RORB: variants seen among roughly 807,000 people sequenced by gnomAD.
RORB encodes RAR related orphan receptor B.
Under a neutral mutation model 59.1 loss-of-function variants are expected in RORB, and 6 were observed. The observed-to-expected ratio is 0.10, with a 90% CI of 0.06 to 0.20. The LOEUF (loss-of-function observed/expected upper bound fraction) is 0.20, where lower values mean the gene tolerates loss of function less well. Among genes scored for constraint, RORB ranks in the 10% least tolerant of loss-of-function variants. The pLI, the probability that RORB is intolerant of heterozygous loss-of-function variation, is 1.00. For missense variants in RORB, 320 were observed against 560.5 expected, an observed-to-expected ratio of 0.57 and a Z score of 4.33; for synonymous variants, 215 against 204.5, an observed-to-expected ratio of 1.05 and a Z score of -0.44.
At chr9:74,598,852 T>C (rs1054199667) in intron 1 of RORB, among the ~76,000 whole-genome samples, 3 of 152,174 alleles carry the variant, frequency 2.0e-5, no homozygotes, top group Non-Finnish European at 2.9e-5. Context: ...TGGCTTCTGA[T>C]GAGAGCTTTA....
chr9:74,521,017 T>C (rs959682998), intron 1 of RORB, among the ~76,000 whole-genome samples: 3 of 151,940 alleles, frequency 2.0e-5, no homozygotes, highest in African/African-American at 7.2e-5. Flanking sequence ...CAGATGCCAA[T>C]TGGCATTCCC....
intron 1 of RORB, among the ~76,000 whole-genome samples, chr9:74,624,151 C>A (rs2118395736): frequency 6.6e-6 from 1 of 152,122 alleles, no homozygotes; most frequent in Middle Eastern, 3.4e-3. Flanking sequence ...TAATTTTTTT[C>A]TTAATCTAAC....
intron 1 of RORB, among the ~76,000 whole-genome samples, chr9:74,608,092 A>C (rs770744442): frequency 2.0e-5 from 3 of 152,180 alleles, no homozygotes; most frequent in Non-Finnish European, 4.4e-5. Context: ...AAGGTTCTTA[A>C]CTCAGGTACT....
At chr9:74,663,678 A>T (rs1440713378) in intron 6 of RORB, among the ~76,000 whole-genome samples, 1 of 152,208 alleles carries the variant, frequency 6.6e-6, no homozygotes. Flanking sequence ...TCACTGAGTC[A>T]GTTCAGCTGA....
At chr9:74,512,127 A>G (rs771466857) in intron 1 of RORB, among the ~76,000 whole-genome samples, 1 of 152,170 alleles carries the variant, frequency 6.6e-6, no homozygotes, top group Non-Finnish European at 1.5e-5. Context: ...GGGGAAATTT[A>G]TTTTAAATGT....
chr9:74,554,101 C>T (rs1044363323), intron 1 of RORB, among the ~76,000 whole-genome samples: 1 of 152,156 alleles, frequency 6.6e-6, no homozygotes, highest in African/African-American at 2.4e-5. Flanking sequence ...CAAGCCCTTT[C>T]GTTGGGAGAT....
intron 1 of RORB, among the ~76,000 whole-genome samples, chr9:74,559,962 C>G (rs1563937573): frequency 6.6e-6 from 1 of 152,220 alleles, no homozygotes; most frequent in East Asian, 1.9e-4. Context: ...ACATTGCAAA[C>G]CATTTGCAAA....
chr9:74,613,130 G>T (rs1015776797), intron 1 of RORB, among the ~76,000 whole-genome samples: 1 of 152,070 alleles, frequency 6.6e-6, no homozygotes, highest in African/African-American at 2.4e-5. Flanking sequence ...ATATCTCCAC[G>T]ATGAACAAAG....
chr9:74,544,658 A>G (rs902644839), intron 1 of RORB, among the ~76,000 whole-genome samples: 3 of 152,170 alleles, frequency 2.0e-5, no homozygotes, highest in Non-Finnish European at 4.4e-5. Context: ...AGGAAACCTC[A>G]TCACGACCAG....
In RORB at chr9:74,630,380, C is replaced by G; in HGVS notation, c.93+13C>G. The G allele has an allele frequency of 1.2e-6, 2 of 1,604,162 alleles. No homozygotes were observed. Among genetic ancestry groups the G allele is most frequent in the Non-Finnish European group, 8.5e-7 (1 of 1,173,074 alleles). On this transcript the variant is annotated intron_variant, in intron 2 of 9. Transcript: ENST00000376896. The stretch of plus-strand genomic sequence containing the variant: ...TGAAGGCTGCAAGGTATGGGACTTT[C>G]ATACAGCACGGTTCTGTATTTGCCT...
intron 1 of RORB, among the ~76,000 whole-genome samples, chr9:74,588,041 A>C (rs1822829518): frequency 6.6e-6 from 1 of 152,182 alleles, no homozygotes; most frequent in South Asian, 2.1e-4. Flanking sequence ...CTTAGGTTAT[A>C]GAATTCTATA....
chr9:74,634,896 T>C lies in RORB; in HGVS notation c.235+124T>C, dbSNP rs553259473. ...GGGGATAAGAAGAAAAGAAAATCACTGTGCTGCTAGTGCATTACAAGGAAA... is the reference window on the plus strand; with the variant it reads ...GGGGATAAGAAGAAAAGAAAATCACCGTGCTGCTAGTGCATTACAAGGAAA... On this transcript the variant is annotated intron_variant, in intron 3 of 9. Transcript: ENST00000376896. The C allele has an allele frequency of 3.4e-6, 3 of 876,074 alleles. No individual in the cohort carries two copies. The South Asian group carries it at 5.7e-5, about 17-fold the overall frequency. 54.3% of individuals were successfully genotyped at this position (876,074 alleles called of 1,614,324 possible).
intron 1 of RORB, among the ~76,000 whole-genome samples, chr9:74,582,002 A>G (rs184668586): frequency 5.3e-5 from 8 of 152,202 alleles, no homozygotes; most frequent in Non-Finnish European, 8.8e-5. Flanking sequence ...TGTATCAATC[A>G]GTTCAAAGAA....
chr9:74,617,642 T>A (rs1453137355), intron 1 of RORB, among the ~76,000 whole-genome samples: 1 of 152,128 alleles, frequency 6.6e-6, no homozygotes, highest in Non-Finnish European at 1.5e-5. Context: ...TAATTCTACA[T>A]TTGTTGGGTG....
intron 1 of RORB, 103 bp downstream of exon 1, chr9:74,498,086 G>A (rs1451423112): frequency 7.3e-7 from 1 of 1,365,030 alleles, no homozygotes; most frequent in African/African-American, 1.4e-5. Flanking sequence ...GAAAGAGGTT[G>A]CCCAGGCGCA....
chr9:74,671,476 A>T (rs1426377773), intron 8 of RORB, among the ~76,000 whole-genome samples: 4 of 152,214 alleles, frequency 2.6e-5, no homozygotes, highest in Non-Finnish European at 5.9e-5. Context: ...ACTTTGAAAG[A>T]AAACCTAAGC....
intron 1 of RORB, among the ~76,000 whole-genome samples, chr9:74,612,009 T>A (rs1220488910): frequency 6.6e-6 from 1 of 151,978 alleles, no homozygotes; most frequent in East Asian, 1.9e-4. Context: ...AAAGAGAGGG[T>A]TTTATGCCTA....
At chr9:74,659,191 T>TAAG (rs1824138503) in intron 4 of RORB, among the ~76,000 whole-genome samples, 1 of 152,162 alleles carries the variant, frequency 6.6e-6, no homozygotes, top group African/African-American at 2.4e-5. Context: ...TTAGAAAATT[T>TAAG]ATTAGAAGCT....
At chr9:74,499,675 G>A (rs529189063) in intron 1 of RORB, among the ~76,000 whole-genome samples, 1 of 152,268 alleles carries the variant, frequency 6.6e-6, no homozygotes, top group South Asian at 2.1e-4. Context: ...GGAGAGTAGA[G>A]AACCTTGGCT....
Sources: gnomAD v4.1 joint callset for allele counts (sites outside exome capture counted in the v4.1 genomes callset) on GRCh38, gnomAD v4.1.1 for gene constraint, MANE v1.5 for transcripts, NCBI Gene and HGNC (gene_info 2026-07-23, HGNC 2026-07-21) for gene names.